The following RRP8 variants were observed in gnomAD, a reference collection of about 807,000 sequenced individuals.
The protein encoded by RRP8 is ribosomal RNA-processing protein 8.
RRP8 carries 48 observed loss-of-function variants against 45.0 expected under a neutral mutation model. That is an observed-to-expected ratio of 1.07 (90% CI 0.85 to 1.36). The LOEUF is 1.36. RRP8 is among the 40% of genes most tolerant of loss of function. The pLI, the probability that RRP8 is intolerant of heterozygous loss-of-function variation, is 0.00. For synonymous variants in RRP8, 274 were observed against 212.4 expected (o/e 1.29, Z -2.52); for missense variants, 658 against 573.7 (o/e 1.15, Z -1.50).
In RRP8 at chr11:6,601,936, CAG is replaced by C. The variant is rs763457038; in HGVS notation, c.377_378del (p.Ser126CysfsTer2). The C allele has an allele frequency of 1.9e-5, 31 of 1,614,212 alleles. 1 individual carries two copies. The Admixed American group carries it at 5.2e-4, about 27-fold the overall frequency. On this transcript the variant is annotated frameshift_variant, in exon 2 of 7. Coordinates refer to ENST00000254605, the MANE Select transcript of RRP8 (RefSeq NM_015324.4). LOFTEE classifies it high-confidence loss of function. ...CHKQALVGSD[S>X]AEDEKRKRKC... ...TTCCTCTTTCTTTTCTCATCTTCAGCAGAGTCACTGCCAACAAGAGCCTGTTT... is the reference window on the plus strand; with the variant it reads ...TTCCTCTTTCTTTTCTCATCTTCAGCAGTCACTGCCAACAAGAGCCTGTTT...
intron 1 of RRP8, 84 bp downstream of exon 1, chr11:6,603,320 C>A (rs1005363035): frequency 2.0e-6 from 2 of 996,766 alleles, no homozygotes; most frequent in Non-Finnish European, 3.0e-6. Flanking sequence ...AGGTGTCCCT[C>A]CCCGCAATAC....
At position 6,595,304 on chromosome 11, in the gene RRP8, G is replaced by A. The variant is rs778573755; in HGVS notation, c.*4842C>T. ...GTCATGTTATAGGGAATAATGGAACGTATTTATACCAGAGTATTAACAATG... is the reference window on the plus strand; with the variant it reads ...GTCATGTTATAGGGAATAATGGAACATATTTATACCAGAGTATTAACAATG... On this transcript the variant is annotated 3_prime_UTR_variant, in exon 7 of 7. Transcript: ENST00000254605. The A allele has an allele frequency of 2.0e-5, 3 of 152,084 alleles. No homozygotes were observed. The highest frequency in any genetic ancestry group is 4.4e-5 in the Non-Finnish European group (3 of 68,024). The allele number at this position is 152,084 out of a possible 1,614,324, so 9.4% of individuals were successfully genotyped here.
At position 6,601,421 on chromosome 11, in the gene RRP8, G is replaced by C; in HGVS notation, c.645C>G (p.Ala215=). The C allele has an allele frequency of 6.2e-7, 1 of 1,614,144 alleles. No homozygotes were observed. The highest frequency in any genetic ancestry group is 8.5e-7 in the Non-Finnish European group (1 of 1,180,030). Residue 215 remains alanine, a synonymous_variant, in exon 3 of 7, where the codon GCC becomes GCG. Transcript: ENST00000254605. ...PQVPDQAPAE[A]PTEKTEVSPV... ...GAGACACCTCTGTCTTCTCTGTGGG[G>C]GCCTCAGCTGGGGCCTGGTCTGGCA...
Position 6,603,571 on chromosome 11 carries a change from G to A in RRP8, c.-69C>T. On this transcript the variant is annotated 5_prime_UTR_variant, in exon 1 of 7. Transcript: ENST00000254605. ...CGTGCACAGCGCTCCTCTGGAAGTC[G>A]GAGCGCTCAGACCTGCCAGAACCGA... The A allele has an allele frequency of 2.8e-6, 3 of 1,087,018 alleles. No individual in the cohort carries two copies. The highest frequency in any genetic ancestry group is 1.5e-5 in the South Asian group (1 of 68,922). 67.3% of individuals were successfully genotyped at this position (1,087,018 alleles called of 1,614,324 possible). A position where few individuals can be genotyped will look rare whatever the true frequency, so the allele number is the denominator to read the frequency against.
At position 6,598,226 on chromosome 11, in the gene RRP8, C is replaced by T. The variant is rs912295713; in HGVS notation, c.*1920G>A. 6.6e-6 allele frequency: 1 copy of T among 152,252 alleles called. No individual in the cohort carries two copies. Among genetic ancestry groups the T allele is most frequent in the Non-Finnish European group, 1.5e-5 (1 of 68,056 alleles). The allele number at this position is 152,252 out of a possible 1,614,324, so 9.4% of individuals were successfully genotyped here. ...TTACTTCAGATTCCTCTCTTACCAA[C>T]CTCAACATCCCACCAATTCTACCTA... On this transcript the variant is annotated 3_prime_UTR_variant, in exon 7 of 7. Coordinates refer to ENST00000254605, the MANE Select transcript of RRP8 (RefSeq NM_015324.4).
rs755997420 is a variant in RRP8, at chr11:6,601,262, A to G, written c.804T>C (p.Arg268=). The G allele has an allele frequency of 1.2e-6, 2 of 1,611,964 alleles. No homozygotes were observed. The highest frequency in any genetic ancestry group is 2.2e-5 in the South Asian group (2 of 90,766). ...LYSGPSSAAQ[R]LFQEDPEAFL... is the part of the protein sequence containing the mutation. ...AAGCCTCAGGGTCTTCCTGGAAGAGACGCTGTGCAGCACTGCTGGGCCCTG... is the reference window on the plus strand; with the variant it reads ...AAGCCTCAGGGTCTTCCTGGAAGAGGCGCTGTGCAGCACTGCTGGGCCCTG... The change falls in exon 3 of 7, where the codon CGT becomes CGC. Residue 268 remains arginine (R), a synonymous_variant. Transcript: ENST00000254605.
chr11:6,601,365 C>A lies in RRP8; in HGVS notation c.701G>T (p.Arg234Leu). Reference sequence around the variant, plus strand: ...CATGCGGGCTCGCAAAGCCCCTGCCCGAGCCTCATGGCTGTCTGTCCTGGG... The same window carrying A: ...CATGCGGGCTCGCAAAGCCCCTGCCAGAGCCTCATGGCTGTCTGTCCTGGG... ...PVPRTDSHEA[R>L]AGALRARMAQ... Residue 234 changes from arginine (R) to leucine (L), a missense_variant, in exon 3 of 7, where the codon CGG becomes CTG. By Grantham distance (102) the Arg-to-Leu change is moderately radical. Transcript: ENST00000254605. 1 of 1,614,094 alleles carries A rather than the reference C, an allele frequency of 6.2e-7. No homozygotes were observed. Among genetic ancestry groups the A allele is most frequent in the East Asian group, 2.2e-5 (1 of 44,882 alleles).
chr11:6,602,407 C>T (rs1402986227), intron 1 of RRP8, 192 bp from the exon 2 acceptor site: 3 of 569,378 alleles, frequency 5.3e-6, no homozygotes, highest in Admixed American at 7.2e-5. Context: ...AGAGAAACCA[C>T]CTATCCCACT....
Position 6,598,222 on chromosome 11 carries a change from C to T in RRP8, c.*1924G>A, listed in dbSNP as rs1854265986. ...GAACTTACTTCAGATTCCTCTCTTACCAACCTCAACATCCCACCAATTCTA... is the reference window on the plus strand; with the variant it reads ...GAACTTACTTCAGATTCCTCTCTTATCAACCTCAACATCCCACCAATTCTA... On this transcript the variant is annotated 3_prime_UTR_variant, in exon 7 of 7. Coordinates refer to ENST00000254605, the MANE Select transcript of RRP8 (RefSeq NM_015324.4). 1 of 152,204 alleles carries T rather than the reference C, an allele frequency of 6.6e-6. No individual in the cohort carries two copies. The highest frequency in any genetic ancestry group is 6.5e-5 in the Admixed American group (1 of 15,282). 9.4% of individuals were successfully genotyped at this position (152,204 alleles called of 1,614,324 possible). A position where few individuals can be genotyped will look rare whatever the true frequency, so the allele number is the denominator to read the frequency against.
Position 6,601,888 on chromosome 11 carries a change from T to G in RRP8, c.427A>C (p.Asn143His). The change falls in exon 2 of 7, where the codon AAT becomes CAT. Residue 143 changes from asparagine (N) to histidine (H), a missense_variant. Asn to His is a moderately conservative substitution (Grantham distance 68, BLOSUM62 1). Coordinates refer to ENST00000254605, the MANE Select transcript of RRP8 (RefSeq NM_015324.4). ...ACATTGTCCAGGTGCTGGGCTGAATTTATAGGGGCATGTTTCTGGCATTTC... is the reference window on the plus strand; with the variant it reads ...ACATTGTCCAGGTGCTGGGCTGAATGTATAGGGGCATGTTTCTGGCATTTC... ...KRKCQKHAPI[N>H]SAQHLDNVDQ... 1 of 1,613,842 alleles carries G rather than the reference T, an allele frequency of 6.2e-7. No individual in the cohort carries two copies. Among genetic ancestry groups the G allele is most frequent in the East Asian group, 2.2e-5 (1 of 44,872 alleles).
Position 6,601,323 on chromosome 11 carries a change from C to T in RRP8, c.743G>A (p.Gly248Glu). 1 of 1,613,838 alleles carries T rather than the reference C, an allele frequency of 6.2e-7. No homozygotes were observed. Among genetic ancestry groups the T allele is most frequent in the Non-Finnish European group, 8.5e-7 (1 of 1,179,904 alleles). ...TTCATTGAGGTAGCGAAATCGGGCCCCATCCAGCCGCTGTGCCATGCGGGC... is the reference window on the plus strand; with the variant it reads ...TTCATTGAGGTAGCGAAATCGGGCCTCATCCAGCCGCTGTGCCATGCGGGC... ...LRARMAQRLDGARFRYLNEQL... is the reference protein window; with the variant it reads ...LRARMAQRLDEARFRYLNEQL... Residue 248 changes from glycine (G) to glutamate (E), a missense_variant, in exon 3 of 7, where the codon GGG becomes GAG. Gly to Glu is a moderately conservative substitution (Grantham distance 98). Transcript: ENST00000254605.
rs975365835 is a variant in RRP8 at position 6,596,525 on chromosome 11, C to T, written c.*3621G>A. 26 of 152,304 alleles carry T rather than the reference C, an allele frequency of 1.7e-4. No individual in the cohort carries two copies. The highest frequency in any genetic ancestry group is 6.0e-4 in the African/African-American group (25 of 41,554). The allele number at this position is 152,304 out of a possible 1,614,324, so 9.4% of individuals were successfully genotyped here. ...TTTACATTTTAAAAAGATCACATGG[C>T]TGTGTGGAAAATTAATTGCTTTAGG... On this transcript the variant is annotated 3_prime_UTR_variant, in exon 7 of 7. Transcript: ENST00000254605.
Position 6,603,513 on chromosome 11 carries a change from A to G in RRP8, c.-11T>C. ...AGGCTCTTCGAACATGAGGGTCGGG[A>G]GGGCAGGGTCGCCGAGTCCCCGCTC... On this transcript the variant is annotated 5_prime_UTR_variant, in exon 1 of 7. Transcript: ENST00000254605. 7.0e-7 allele frequency: 1 copy of G among 1,428,082 alleles called. No individual in the cohort carries two copies. The highest frequency in any genetic ancestry group is 9.6e-7 in the Non-Finnish European group (1 of 1,042,584). 88.5% of individuals were successfully genotyped at this position (1,428,082 alleles called of 1,614,324 possible). A position where few individuals can be genotyped will look rare whatever the true frequency, so the allele number is the denominator to read the frequency against.
chr11:6,601,573 T>C lies in RRP8; in HGVS notation c.493A>G (p.Asn165Asp), dbSNP rs1248083884. The change falls in exon 3 of 7, where the codon AAT (asparagine) becomes GAT (aspartate). Residue 165 changes from asparagine (N) to aspartate (D), a missense_variant. By Grantham distance (23) the Asn-to-Asp change is conservative (BLOSUM62 1). Transcript: ENST00000254605. Reference protein sequence around the residue: ...GPKAWKGSTTNDPPKQSPGST... With the variant: ...GPKAWKGSTTDDPPKQSPGST... ...CCAGGGCTTTGCTTTGGTGGATCAT[T>C]TGTAGTACTACCCTTCCAGGCTTTG... 6.2e-7 allele frequency: 1 copy of C among 1,603,202 alleles called. No homozygotes were observed. The highest frequency in any genetic ancestry group is 1.7e-5 in the Admixed American group (1 of 60,004).
At position 6,602,040 on chromosome 11, in the gene RRP8, C is replaced by T; in HGVS notation, c.275G>A (p.Gly92Glu). 6.2e-7 allele frequency: 1 copy of T among 1,614,084 alleles called. No individual in the cohort carries two copies. The highest frequency in any genetic ancestry group is 8.5e-7 in the Non-Finnish European group (1 of 1,180,002). Residue 92 changes from glycine (G) to glutamate (E), a missense_variant, in exon 2 of 7, where the codon GGG becomes GAG. By Grantham distance (98) the Gly-to-Glu change is moderately conservative. Transcript: ENST00000254605. ...GCCCTGTTTTTGACATTTCTTCTTC[C>T]CTTTCTTCCCTACTTCAGCAGAGGC... The part of the protein sequence containing the change: ...ASASAEVGKK[G>E]KKKCQKQGPP...
chr11:6,602,283 G>A, intron 1 of RRP8, 68 bp from the exon 2 acceptor site: 4 of 1,477,430 alleles, frequency 2.7e-6, no homozygotes, highest in Non-Finnish European at 3.6e-6. Flanking sequence ...CAAGAAGGGA[G>A]AGATGTGGAC....
Position 6,600,158 on chromosome 11 carries a change from G to C in RRP8, c.1359C>G (p.Tyr453Ter). The C allele has an allele frequency of 1.9e-6, 3 of 1,593,610 alleles. No homozygotes were observed. Among genetic ancestry groups the C allele is most frequent in the Non-Finnish European group, 1.7e-6 (2 of 1,171,294 alleles). Residue 453 changes from tyrosine (Y) to a stop codon, truncating the protein, a stop_gained, in exon 7 of 7, where the codon TAC becomes TAG. Transcript: ENST00000254605. LOFTEE classifies it high-confidence loss of function. ...GAAGATCCAGAGGTCACCTGCGCTT[G>C]TAGAGACATGGCTGAAGCTGCAGGC... ...LSGLQLQPCL[Y>*]KRR
chr11:6,601,746 T>G (rs1029843398), intron 2 of RRP8, 106 bp downstream of exon 2: 1 of 1,485,750 alleles, frequency 6.7e-7, no homozygotes, highest in Non-Finnish European at 9.0e-7. Context: ...GAGTACACCA[T>G]TAGCCCCAAT....
Position 6,599,654 on chromosome 11 carries a change from C to A in RRP8, c.*492G>T, listed in dbSNP as rs1311083511. ...TGTCTTGAGCCAAGATGTTGGTGGACAACCAGTTGCCTCAGAGTCAAACAG... is the reference window on the plus strand; with the variant it reads ...TGTCTTGAGCCAAGATGTTGGTGGAAAACCAGTTGCCTCAGAGTCAAACAG... On this transcript the variant is annotated 3_prime_UTR_variant, in exon 7 of 7. Coordinates refer to ENST00000254605, the MANE Select transcript of RRP8 (RefSeq NM_015324.4). 1.3e-5 allele frequency: 2 copies of A among 152,258 alleles called. No homozygotes were observed. Among genetic ancestry groups the A allele is most frequent in the Non-Finnish European group, 2.9e-5 (2 of 68,070 alleles). The allele number at this position is 152,258 out of a possible 1,614,324, so 9.4% of individuals were successfully genotyped here. A position where few individuals can be genotyped will look rare whatever the true frequency, so the allele number is the denominator to read the frequency against.
Sources: gnomAD v4.1 joint callset for allele counts on GRCh38, gnomAD v4.1.1 for gene constraint, MANE v1.5 for transcripts, NCBI Gene and HGNC (gene_info 2026-07-23, HGNC 2026-07-21) for gene names.